MCTP2: variants seen among roughly 807,000 people sequenced by gnomAD.
The protein encoded by MCTP2 is multiple C2 and transmembrane domain-containing protein 2.
A neutral mutation model predicts 111.6 loss-of-function variants in MCTP2; 132 were observed. The ratio of observed to expected loss-of-function variants is 1.18; its 90% CI spans 1.03 to 1.37. MCTP2 has a LOEUF of 1.37. MCTP2 is among the 40% of genes most tolerant of loss of function. The pLI is 0.00. For synonymous variants in MCTP2, 395 were observed against 387.7 expected (o/e 1.02, Z -0.22); for missense variants, 1,183 against 1,067.9 (o/e 1.11, Z -1.50).
At chr15:94,463,948 C>G (rs2085366708) in intron 20 of MCTP2, among the ~76,000 whole-genome samples, 1 of 151,798 alleles carries the variant, frequency 6.6e-6, no homozygotes, top group Non-Finnish European at 1.5e-5. Flanking sequence ...TCTACAGTCC[C>G]TTTATATCTG....
At chr15:94,245,581 T>C (rs187637437) in intron 1 of MCTP2, among the ~76,000 whole-genome samples, 3 of 144,938 alleles carry the variant, frequency 2.1e-5, no homozygotes, top group African/African-American at 5.0e-5. Flanking sequence ...TATATACGTA[T>C]ATGTACATAT....
chr15:94,468,616 A>G (rs1182944467), intron 20 of MCTP2, among the ~76,000 whole-genome samples: 1 of 152,156 alleles, frequency 6.6e-6, no homozygotes, highest in African/African-American at 2.4e-5. Context: ...CATAATAGGC[A>G]AAGATTAAAA....
chr15:94,437,714 G>T (rs1420961433), intron 17 of MCTP2, among the ~76,000 whole-genome samples: 2 of 152,026 alleles, frequency 1.3e-5, no homozygotes, highest in African/African-American at 4.8e-5. Flanking sequence ...TGCCCACTCA[G>T]ATATTGTATG....
intron 1 of MCTP2, among the ~76,000 whole-genome samples, chr15:94,276,012 A>ATT (rs540790153): frequency 2.0e-5 from 3 of 151,838 alleles, no homozygotes; most frequent in African/African-American, 4.8e-5. Flanking sequence ...TGCCCAGCTA[A>ATT]TTTTTGTATT....
At chr15:94,300,273 C>G (rs955941956) in intron 2 of MCTP2, among the ~76,000 whole-genome samples, 2 of 151,814 alleles carry the variant, frequency 1.3e-5, no homozygotes, top group African/African-American at 4.8e-5. Flanking sequence ...TTTGGGAGAC[C>G]GAGGTGGGTG....
intron 6 of MCTP2, among the ~76,000 whole-genome samples, chr15:94,340,535 A>G (rs905068584): frequency 1.1e-4 from 17 of 152,202 alleles, no homozygotes; most frequent in Non-Finnish European, 2.1e-4. Context: ...GTTAATATTC[A>G]GTTTCATTAA....
intron 14 of MCTP2, among the ~76,000 whole-genome samples, chr15:94,396,434 G>A (rs11074273): frequency 0.6 from 91,137 of 151,832 alleles, 28,732 homozygotes; most frequent in Non-Finnish European, 0.71. Context: ...TTGTTTAGAC[G>A]TGGAATTGTG....
intron 1 of MCTP2, among the ~76,000 whole-genome samples, chr15:94,265,303 T>C (rs1424823957): frequency 2.0e-5 from 3 of 152,036 alleles, no homozygotes; most frequent in Admixed American, 2.0e-4. Context: ...GCAACAGGGG[T>C]TATATGAAAA....
At chr15:94,304,175 C>T (rs974635393) in intron 2 of MCTP2, among the ~76,000 whole-genome samples, 1 of 152,228 alleles carries the variant, frequency 6.6e-6, no homozygotes, top group African/African-American at 2.4e-5. Context: ...GATGTGGTGG[C>T]TCATGCCTGT....
In MCTP2 at chr15:94,410,393, C is replaced by G. The variant is rs528601223; in HGVS notation, c.2085+8374C>G. On this transcript the variant is annotated intron_variant, in intron 17 of 22. Coordinates refer to ENST00000357742, the MANE Select transcript of MCTP2 (RefSeq NM_001385001.1). ...CACCAGATGCCAAGCAGAGTTCTCC[C>G]TCAAGGCTATGATGATACTCTTCAT... Among the ~76,000 whole-genome samples, 6 of 152,184 alleles carry G rather than the reference C, an allele frequency of 3.9e-5. No homozygotes were observed. The East Asian group carries it at 1.2e-3, about 29-fold the overall frequency.
chr15:94,303,981 G>A (rs2075768432), intron 2 of MCTP2, among the ~76,000 whole-genome samples: 1 of 152,154 alleles, frequency 6.6e-6, no homozygotes, highest in Admixed American at 6.5e-5. Flanking sequence ...TTGGTCCTGG[G>A]CAAGGGCATC....
chr15:94,245,074 G>A (rs1031334195), intron 1 of MCTP2, among the ~76,000 whole-genome samples: 4 of 149,012 alleles, frequency 2.7e-5, no homozygotes, highest in South Asian at 2.1e-4. Context: ...ACCTGTTTAC[G>A]TATATGTATA....
intron 1 of MCTP2, among the ~76,000 whole-genome samples, chr15:94,243,645 ATATG>A (rs776569382): frequency 1.7e-4 from 25 of 149,620 alleles, no homozygotes; most frequent in Non-Finnish European, 2.8e-4. Flanking sequence ...ATATACATAT[ATATG>A]TATACACATA....
At chr15:94,379,218 G>A (rs1303414978) in intron 12 of MCTP2, among the ~76,000 whole-genome samples, 1 of 152,036 alleles carries the variant, frequency 6.6e-6, no homozygotes, top group African/African-American at 2.4e-5. Context: ...GTGAAGTTAG[G>A]AGTGGAGGAA....
chr15:94,403,268 C>G, intron 17 of MCTP2: 3 of 982,622 alleles, frequency 3.1e-6, no homozygotes, highest in Non-Finnish European at 3.6e-6. Flanking sequence ...AATCTGTATC[C>G]GTCATTGTCT....
At chr15:94,359,484 T>C (rs1424163209) in intron 10 of MCTP2, among the ~76,000 whole-genome samples, 1 of 152,054 alleles carries the variant, frequency 6.6e-6, no homozygotes, top group African/African-American at 2.4e-5. Flanking sequence ...CACTACGGGG[T>C]GTCTTTTCCG....
chr15:94,248,770 T>TAATCAAACAGATTAAGCCAAAACAGACAG (rs2072198631), intron 1 of MCTP2, among the ~76,000 whole-genome samples: 3 of 152,212 alleles, frequency 2.0e-5, no homozygotes, highest in Non-Finnish European at 4.4e-5. Context: ...CAGTGAGGCT[T>TAATCAAACAGATTAAGCCAAAACAGACAG]TGCAAAGGTG....
At chr15:94,355,112 A>G (rs1280354059) in intron 8 of MCTP2, among the ~76,000 whole-genome samples, 2 of 152,228 alleles carry the variant, frequency 1.3e-5, no homozygotes. Context: ...AACTAGCCAT[A>G]AAAAGGCATG....
intron 1 of MCTP2, among the ~76,000 whole-genome samples, chr15:94,272,533 G>T (rs933505725): frequency 9.2e-5 from 14 of 151,960 alleles, no homozygotes; most frequent in African/African-American, 2.7e-4. Flanking sequence ...ACTTTAGGCA[G>T]ATTTTCTTCT....
Sources: allele counts gnomAD v4.1 joint callset (sites outside exome capture counted in the v4.1 genomes callset), GRCh38; gene constraint gnomAD v4.1.1; transcripts MANE v1.5; gene names NCBI Gene and HGNC (gene_info 2026-07-23, HGNC 2026-07-21).